The following RBFOX1 variants were observed in gnomAD, a reference collection of about 807,000 sequenced individuals.
RBFOX1 encodes RNA binding protein fox-1 homolog 1.
A neutral mutation model predicts 57.7 loss-of-function variants in RBFOX1; 8 were observed. That is an observed-to-expected ratio of 0.14 (90% CI 0.08 to 0.25). The LOEUF is 0.25. Among genes scored for constraint, RBFOX1 ranks in the 10% least tolerant of loss-of-function variants. RBFOX1 has a pLI of 1.00. For synonymous variants in RBFOX1, 326 were observed against 222.4 expected (o/e 1.47, Z -4.15); for missense variants, 611 against 548.5 (o/e 1.11, Z -1.14).
chr16:7,521,168 G>A (rs1392743725), intron 5 of RBFOX1, among the ~76,000 whole-genome samples: 1 of 152,184 alleles, frequency 6.6e-6, no homozygotes, highest in East Asian at 1.9e-4. Context: ...CAGGCAGAGG[G>A]AATACCACAG....
intron 3 of RBFOX1, among the ~76,000 whole-genome samples, chr16:5,629,545 G>T (rs1990290): frequency 0.16 from 24,570 of 152,250 alleles, 2,202 homozygotes; most frequent in East Asian, 0.28. Context: ...GAAGAATGGA[G>T]TCTAATGTCA....
At chr16:6,247,292 C>T (rs2097574655) in intron 1 of RBFOX1, among the ~76,000 whole-genome samples, 1 of 152,118 alleles carries the variant, frequency 6.6e-6, no homozygotes, top group Non-Finnish European at 1.5e-5. Flanking sequence ...GAGGAGCAAC[C>T]CAGGACAGTG....
intron 3 of RBFOX1, among the ~76,000 whole-genome samples, chr16:6,708,757 G>T (rs1159821241): frequency 6.6e-6 from 1 of 152,106 alleles, no homozygotes; most frequent in African/African-American, 2.4e-5. Context: ...GCGTCCCTTC[G>T]ACTGGCTGTG....
chr16:6,065,427 G>A (rs1230413124), intron 1 of RBFOX1, among the ~76,000 whole-genome samples: 1 of 152,008 alleles, frequency 6.6e-6, no homozygotes, highest in Non-Finnish European at 1.5e-5. Flanking sequence ...GTTCTTAGGT[G>A]GTTTGCTTTT....
chr16:6,293,383 C>T (rs755999749), intron 1 of RBFOX1, among the ~76,000 whole-genome samples: 1 of 152,146 alleles, frequency 6.6e-6, no homozygotes, highest in African/African-American at 2.4e-5. Flanking sequence ...AATTTAAGCT[C>T]GCTTTTTCCC....
At chr16:7,225,919 T>TATATATATATATATATATATATAA (rs1315130232) in intron 4 of RBFOX1, among the ~76,000 whole-genome samples, 3 of 142,140 alleles carry the variant, frequency 2.1e-5, no homozygotes, top group African/African-American at 8.1e-5. Flanking sequence ...TATATATATA[T>TATATATATATATATATATATATAA]AAATGTGAAT....
chr16:6,555,043 G>T (rs1016122070), intron 2 of RBFOX1, among the ~76,000 whole-genome samples: 1 of 151,788 alleles, frequency 6.6e-6, no homozygotes, highest in Non-Finnish European at 1.5e-5. Context: ...GCTGGGGAGA[G>T]GCCCAGAATA....
At chr16:7,501,248 T>G (rs553543926) in intron 4 of RBFOX1, among the ~76,000 whole-genome samples, 1 of 152,360 alleles carries the variant, frequency 6.6e-6, no homozygotes, top group African/African-American at 2.4e-5. Context: ...TTTCTTCTAT[T>G]TCAAGCACTA....
chr16:6,980,326 G>A (rs1052907691), intron 3 of RBFOX1, among the ~76,000 whole-genome samples: 7 of 152,064 alleles, frequency 4.6e-5, no homozygotes, highest in African/African-American at 1.2e-4. Flanking sequence ...TTACCTATTC[G>A]TTTTTTGTTC....
intron 1 of RBFOX1, among the ~76,000 whole-genome samples, chr16:6,179,468 G>A (rs1254127399): frequency 6.6e-6 from 1 of 152,116 alleles, no homozygotes; most frequent in East Asian, 1.9e-4. Context: ...ACTCTCTGAT[G>A]CCTTGAACAT....
At chr16:6,078,696 C>A (rs981541233) in intron 1 of RBFOX1, among the ~76,000 whole-genome samples, 1 of 152,178 alleles carries the variant, frequency 6.6e-6, no homozygotes, top group Non-Finnish European at 1.5e-5. Context: ...GCAGCAACAC[C>A]CTGCACGTAG....
rs189000192 is a variant in RBFOX1 at position 6,850,635 on chromosome 16, T to C, written c.-16+195985T>C. Among the ~76,000 whole-genome samples, 318 of 152,328 alleles carry C rather than the reference T, an allele frequency of 2.1e-3. 6 individuals are homozygous for C. The highest frequency in any genetic ancestry group is 0.017 in the Admixed American group (255 of 15,310). Reference sequence around the variant, plus strand: ...CTTCCACAGATGACTCCTAATGTCATTCTTTTGCAATATTTCTACCTTCTT... The same window carrying C: ...CTTCCACAGATGACTCCTAATGTCACTCTTTTGCAATATTTCTACCTTCTT... On this transcript the variant is annotated intron_variant, in intron 3 of 15. Coordinates refer to ENST00000550418, the MANE Select transcript of RBFOX1 (RefSeq NM_018723.4).
intron 1 of RBFOX1, among the ~76,000 whole-genome samples, chr16:6,062,123 T>C (rs999450720): frequency 6.6e-6 from 1 of 152,196 alleles, no homozygotes; most frequent in African/African-American, 2.4e-5. Flanking sequence ...GGGCTGAGCA[T>C]GTGGATAGGC....
At chr16:7,318,467 T>A (rs1436025528) in intron 4 of RBFOX1, among the ~76,000 whole-genome samples, 1 of 152,202 alleles carries the variant, frequency 6.6e-6, no homozygotes, top group Non-Finnish European at 1.5e-5. Context: ...GGTTCAAGTC[T>A]ACCACTTACC....
chr16:6,566,156 T>G (rs1300943974), intron 2 of RBFOX1, among the ~76,000 whole-genome samples: 1 of 152,198 alleles, frequency 6.6e-6, no homozygotes, highest in Non-Finnish European at 1.5e-5. Context: ...CAGCTATGCC[T>G]AAGTCCAAGT....
intron 3 of RBFOX1, among the ~76,000 whole-genome samples, chr16:5,800,101 AG>A: frequency 6.6e-6 from 1 of 152,160 alleles, no homozygotes; most frequent in East Asian, 1.9e-4. Context: ...TGGAGGGGAG[AG>A]AAATATGTAT....
At chr16:5,921,640 T>G (rs2058824130) in intron 4 of RBFOX1, among the ~76,000 whole-genome samples, 1 of 152,148 alleles carries the variant, frequency 6.6e-6, no homozygotes. Flanking sequence ...TGCGTTGCCC[T>G]AAAGAAATAC....
chr16:6,376,893 T>C (rs1252814760), intron 2 of RBFOX1, among the ~76,000 whole-genome samples: 1 of 152,158 alleles, frequency 6.6e-6, no homozygotes, highest in Admixed American at 6.5e-5. Context: ...AGCTTCGAGA[T>C]GTGTCACTCC....
intron 2 of RBFOX1, among the ~76,000 whole-genome samples, chr16:6,455,028 A>G (rs1362158112): frequency 6.8e-6 from 1 of 147,352 alleles, no homozygotes; most frequent in Non-Finnish European, 1.5e-5. Flanking sequence ...GACTATAGGC[A>G]CCCACTACCA....
Sources: gnomAD v4.1 joint callset for allele counts (sites outside exome capture counted in the v4.1 genomes callset) on GRCh38, gnomAD v4.1.1 for gene constraint, MANE v1.5 for transcripts, NCBI Gene and HGNC (gene_info 2026-07-23, HGNC 2026-07-21) for gene names.